The following SPSB4 variants were observed in gnomAD, a reference collection of about 807,000 sequenced individuals.
The protein encoded by SPSB4 is splA/ryanodine receptor domain and SOCS box containing 4.
Under a neutral mutation model 20.9 loss-of-function variants are expected in SPSB4, and 21 were observed. The observed-to-expected ratio is 1.01, with a 90% CI of 0.71 to 1.45. The LOEUF is 1.45. Ranked by LOEUF, SPSB4 falls within the 40% of genes most tolerant of loss-of-function variation. The pLI is 0.00. For missense variants in SPSB4, 399 were observed against 399.2 expected, an observed-to-expected ratio of 1.00 and a Z score of 0.00; for synonymous variants, 207 against 183.8, an observed-to-expected ratio of 1.13 and a Z score of -1.02.
At chr3:141,056,284 G>T (rs1301570838) in intron 1 of SPSB4, among the ~76,000 whole-genome samples, 1 of 152,230 alleles carries the variant, frequency 6.6e-6, no homozygotes, top group Non-Finnish European at 1.5e-5. Context: ...ACTGGCCACA[G>T]AGACATTCTA....
intron 2 of SPSB4, among the ~76,000 whole-genome samples, chr3:141,081,230 T>C (rs538214550): frequency 6.6e-6 from 1 of 152,342 alleles, no homozygotes; most frequent in East Asian, 1.9e-4. Flanking sequence ...TTCAGTTACT[T>C]GGTTGTGCTA....
At chr3:141,070,996 G>C (rs935347546) in intron 2 of SPSB4, among the ~76,000 whole-genome samples, 3 of 152,248 alleles carry the variant, frequency 2.0e-5, no homozygotes, top group Non-Finnish European at 4.4e-5. Flanking sequence ...TGCTGTCCCT[G>C]TCATTTTTCC....
intron 2 of SPSB4, among the ~76,000 whole-genome samples, chr3:141,106,990 T>G (rs1938704400): frequency 6.6e-6 from 1 of 152,214 alleles, no homozygotes. Flanking sequence ...TCCTTCTTAT[T>G]GCAGGCCATG....
intron 2 of SPSB4, among the ~76,000 whole-genome samples, chr3:141,132,951 C>T (rs1002923748): frequency 2.0e-5 from 3 of 152,162 alleles, no homozygotes; most frequent in Non-Finnish European, 4.4e-5. Context: ...ACCACATCTA[C>T]ACAAACATCT....
At chr3:141,064,644 C>A (rs1331478003) in intron 1 of SPSB4, among the ~76,000 whole-genome samples, 1 of 152,074 alleles carries the variant, frequency 6.6e-6, no homozygotes, top group East Asian at 1.9e-4. Flanking sequence ...GAGGTTGAGG[C>A]TGGGGAGGGC....
intron 2 of SPSB4, among the ~76,000 whole-genome samples, chr3:141,098,306 T>C (rs1217523621): frequency 2.6e-5 from 4 of 152,256 alleles, no homozygotes; most frequent in African/African-American, 9.6e-5. Context: ...TATTTTAGTA[T>C]GGTCCCCACA....
At chr3:141,122,242 C>A (rs1232319011) in intron 2 of SPSB4, among the ~76,000 whole-genome samples, 2 of 152,198 alleles carry the variant, frequency 1.3e-5, no homozygotes, top group African/African-American at 4.8e-5. Flanking sequence ...GTATCACCAG[C>A]AGAGGCTGCA....
intron 2 of SPSB4, among the ~76,000 whole-genome samples, chr3:141,128,610 G>A (rs1270322394): frequency 6.6e-6 from 1 of 152,186 alleles, no homozygotes; most frequent in Non-Finnish European, 1.5e-5. Context: ...GGCACAGAAT[G>A]CTTGGTCCAG....
At position 141,079,529 on chromosome 3, in the gene SPSB4, C is replaced by T. The variant is rs546381993; in HGVS notation, c.694+12731C>T. ...TCACATGCAATCCTGCTAGGTCAAT[C>T]GGCCAAGCAGCGTGGGGAGGGCAGT... On this transcript the variant is annotated intron_variant, in intron 2 of 2. Transcript: ENST00000310546. 5.3e-5 allele frequency among the ~76,000 whole-genome samples: 8 copies of T among 152,248 alleles called. No homozygotes were observed. The South Asian group carries it at 6.2e-4, about 12-fold the overall frequency.
Position 141,114,358 on chromosome 3 carries a change from C to T in SPSB4, c.695-32784C>T, listed in dbSNP as rs547158461. Among the ~76,000 whole-genome samples, 18 of 152,266 alleles carry T rather than the reference C, an allele frequency of 1.2e-4. No individual in the cohort carries two copies. The East Asian group carries it at 1.9e-3, about 16-fold the overall frequency. ...CAGCTCCCCTGCAGCTGACCTGGCA[C>T]GTGACAAATCCTTAAGAGCTTTGGA... On this transcript the variant is annotated intron_variant, in intron 2 of 2. Coordinates refer to ENST00000310546, the MANE Select transcript of SPSB4 (RefSeq NM_080862.3).
In SPSB4 at chr3:141,070,356, A is replaced by C. The variant is rs574915631; in HGVS notation, c.694+3558A>C. On this transcript the variant is annotated intron_variant, in intron 2 of 2. Transcript: ENST00000310546. ...GTTTGTTCATTTGTTTTCTAGAGACAGAATCTCACCCTGTCACCCAGGCTG... is the reference window on the plus strand; with the variant it reads ...GTTTGTTCATTTGTTTTCTAGAGACCGAATCTCACCCTGTCACCCAGGCTG... Among the ~76,000 whole-genome samples, 551 of 152,198 alleles carry C rather than the reference A, an allele frequency of 3.6e-3. 4 individuals are homozygous for C. The highest frequency in any genetic ancestry group is 0.012 in the African/African-American group (515 of 41,508).
At chr3:141,087,521 G>A (rs1170259760) in intron 2 of SPSB4, among the ~76,000 whole-genome samples, 1 of 152,142 alleles carries the variant, frequency 6.6e-6, no homozygotes, top group Non-Finnish European at 1.5e-5. Context: ...CAGTTGTAGG[G>A]TCCCAGTGAC....
At chr3:141,108,930 G>C (rs1484113916) in intron 2 of SPSB4, among the ~76,000 whole-genome samples, 1 of 152,220 alleles carries the variant, frequency 6.6e-6, no homozygotes, top group Non-Finnish European at 1.5e-5. Context: ...GAGGTTGTGA[G>C]AAGTCCAAGG....
chr3:141,137,065 A>G (rs1480385371), intron 2 of SPSB4, among the ~76,000 whole-genome samples: 3 of 152,040 alleles, frequency 2.0e-5, no homozygotes, highest in African/African-American at 7.3e-5. Context: ...CATCCCTTGT[A>G]AGTTGGATTC....
At position 141,061,965 on chromosome 3, in the gene SPSB4, C is replaced by T. The variant is rs529989877; in HGVS notation, c.-153-3987C>T. Among the ~76,000 whole-genome samples the T allele has an allele frequency of 3.3e-5, 5 of 152,308 alleles. No individual in the cohort carries two copies. In the South Asian group the frequency reaches 1.0e-3, roughly 32 times the overall value. On this transcript the variant is annotated intron_variant, in intron 1 of 2. Transcript: ENST00000310546. ...GGCCAGGCTAGTCTTGAACTCTTGACCTCAAATGATCCACCTGCCTTGGCC... is the reference window on the plus strand; with the variant it reads ...GGCCAGGCTAGTCTTGAACTCTTGATCTCAAATGATCCACCTGCCTTGGCC...
chr3:141,075,011 G>A (rs546732203), intron 2 of SPSB4, among the ~76,000 whole-genome samples: 3 of 152,352 alleles, frequency 2.0e-5, no homozygotes, highest in Admixed American at 2.0e-4. Flanking sequence ...AGAGCTGGGA[G>A]GCTTTGCCCA....
At chr3:141,097,709 T>C (rs1322061582) in intron 2 of SPSB4, among the ~76,000 whole-genome samples, 3 of 151,998 alleles carry the variant, frequency 2.0e-5, no homozygotes, top group Non-Finnish European at 4.4e-5. Context: ...GTAGCTATAT[T>C]TGGGAGGCAG....
intron 1 of SPSB4, among the ~76,000 whole-genome samples, chr3:141,057,858 T>A (rs1157200349): frequency 6.6e-6 from 1 of 152,248 alleles, no homozygotes; most frequent in African/African-American, 2.4e-5. Context: ...ATTCCAGTGG[T>A]ATCTAACTGG....
At chr3:141,137,392 A>G (rs990002435) in intron 2 of SPSB4, among the ~76,000 whole-genome samples, 1 of 152,146 alleles carries the variant, frequency 6.6e-6, no homozygotes, top group Non-Finnish European at 1.5e-5. Flanking sequence ...GTGGTGAGAG[A>G]GGGCATCCCT....
Sources: allele counts gnomAD v4.1 joint callset (sites outside exome capture counted in the v4.1 genomes callset), GRCh38; gene constraint gnomAD v4.1.1; transcripts MANE v1.5; gene names NCBI Gene and HGNC (gene_info 2026-07-23, HGNC 2026-07-21).